ADAM29: variants seen among roughly 807,000 people sequenced by gnomAD.
ADAM29 encodes the protein disintegrin and metalloproteinase domain-containing protein 29.
For synonymous variants in ADAM29, 367 were observed against 342.3 expected, an observed-to-expected ratio of 1.07 and a Z score of -0.80; for missense variants, 969 against 1,001.8, an observed-to-expected ratio of 0.97 and a Z score of 0.44.
intron 4 of ADAM29, among the ~76,000 whole-genome samples, chr4:174,938,401 C>A (rs1269960199): frequency 6.6e-6 from 1 of 151,922 alleles, no homozygotes; most frequent in East Asian, 1.9e-4. Flanking sequence ...AGTAGATGAG[C>A]AATTGAGAAG....
At chr4:174,960,625 T>C (rs1745757948) in intron 4 of ADAM29, among the ~76,000 whole-genome samples, 1 of 152,176 alleles carries the variant, frequency 6.6e-6, no homozygotes, top group African/African-American at 2.4e-5. Flanking sequence ...ATCAAATGCT[T>C]TGTGAGACAT....
intron 4 of ADAM29, among the ~76,000 whole-genome samples, chr4:174,937,648 C>T (rs1392138146): frequency 1.3e-5 from 2 of 151,992 alleles, no homozygotes; most frequent in African/African-American, 4.8e-5. Flanking sequence ...GCTGCTACCT[C>T]ATTTCTTTAC....
At chr4:174,968,025 A>G (rs1746250170) in intron 4 of ADAM29, among the ~76,000 whole-genome samples, 1 of 151,998 alleles carries the variant, frequency 6.6e-6, no homozygotes, top group African/African-American at 2.4e-5. Flanking sequence ...TACTCGCTTT[A>G]TTATTTATTT....
intron 1 of ADAM29, 111 bp downstream of exon 1, chr4:174,918,582 G>C (rs1742995395): frequency 6.6e-6 from 1 of 151,936 alleles, no homozygotes; most frequent in Non-Finnish European, 1.5e-5. Context: ...TACTGTTTAG[G>C]CTGAACCTAT....
intron 4 of ADAM29, among the ~76,000 whole-genome samples, chr4:174,942,113 G>A (rs1044163616): frequency 1.3e-5 from 2 of 152,204 alleles, no homozygotes; most frequent in Non-Finnish European, 2.9e-5. Flanking sequence ...CCATGGCCTT[G>A]GGAAGCTCCA....
intron 4 of ADAM29, among the ~76,000 whole-genome samples, chr4:174,940,493 T>C (rs964905097): frequency 7.9e-5 from 12 of 152,234 alleles, no homozygotes; most frequent in African/African-American, 2.4e-4. Flanking sequence ...ACAGCCTTTA[T>C]CTGCTTTTTT....
chr4:174,957,426 G>T (rs967618967), intron 4 of ADAM29, among the ~76,000 whole-genome samples: 1 of 151,664 alleles, frequency 6.6e-6, no homozygotes, highest in Non-Finnish European at 1.5e-5. Flanking sequence ...AATTTTAATG[G>T]CCAAATTGAT....
At chr4:174,930,712 T>C (rs1743812115) in intron 2 of ADAM29, among the ~76,000 whole-genome samples, 1 of 152,206 alleles carries the variant, frequency 6.6e-6, no homozygotes, top group Non-Finnish European at 1.5e-5. Flanking sequence ...AATTGTACTT[T>C]GAAAATATAC....
At chr4:174,960,695 G>A (rs547160915) in intron 4 of ADAM29, among the ~76,000 whole-genome samples, 7 of 152,096 alleles carry the variant, frequency 4.6e-5, no homozygotes, top group African/African-American at 7.2e-5. Flanking sequence ...TATCTTTCTC[G>A]TGCATTTTGA....
chr4:174,977,507 G>T lies in ADAM29; in HGVS notation c.1982G>T (p.Ser661Ile). 2 of 1,614,226 alleles carry T rather than the reference G, an allele frequency of 1.2e-6. No homozygotes were observed. Among genetic ancestry groups the T allele is most frequent in the Non-Finnish European group, 1.7e-6 (2 of 1,180,050 alleles). ...TGCCTGATAAAAGGCTATGGAGGTA[G>T]TGTTGACAGTGGCCCACCCCCTAAG... ...PNCLIKGYGG[S>I]VDSGPPPKRK... Residue 661 changes from serine to isoleucine, a missense_variant, in exon 5 of 5, where the codon AGT becomes ATT. Coordinates refer to ENST00000359240, the MANE Select transcript of ADAM29 (RefSeq NM_014269.4).
At chr4:174,951,702 G>A in intron 4 of ADAM29, among the ~76,000 whole-genome samples, 1 of 152,124 alleles carries the variant, frequency 6.6e-6, no homozygotes, top group South Asian at 2.1e-4. Context: ...TTAGCTGAGG[G>A]GTTCTGAAAC....
At chr4:174,960,789 T>C (rs10004652) in intron 4 of ADAM29, among the ~76,000 whole-genome samples, 2,948 of 152,284 alleles carry the variant, frequency 0.019, 99 homozygotes, top group African/African-American at 0.067. Flanking sequence ...GAACTAGGTC[T>C]CATCAAACCA....
rs145590816 is a variant in ADAM29 at position 174,955,205 on chromosome 4, A to G, written c.-181+18192A>G. On this transcript the variant is annotated intron_variant, in intron 4 of 4. Transcript: ENST00000359240. The stretch of plus-strand genomic sequence containing the variant: ...AGAACAAGGTATGAAATCGTATGAC[A>G]TATTTTTGAGCTGAATGTATCAAAT... Among the ~76,000 whole-genome samples the G allele has an allele frequency of 2.3e-3, 347 of 152,200 alleles. 3 individuals carry two copies. Among genetic ancestry groups the G allele is most frequent in the Middle Eastern group, 0.014 (4 of 294 alleles).
At chr4:174,966,781 A>G (rs748289955) in intron 4 of ADAM29, among the ~76,000 whole-genome samples, 7 of 152,178 alleles carry the variant, frequency 4.6e-5, no homozygotes, top group South Asian at 2.1e-4. Flanking sequence ...GGCATCCCCA[A>G]TGATCTCTGA....
intron 4 of ADAM29, among the ~76,000 whole-genome samples, chr4:174,961,456 C>T (rs2111060935): frequency 6.6e-6 from 1 of 151,938 alleles, no homozygotes; most frequent in South Asian, 2.1e-4. Flanking sequence ...ATTATAATGA[C>T]CCACATAGTT....
chr4:174,977,155 T>A lies in ADAM29; in HGVS notation c.1630T>A (p.Cys544Ser), dbSNP rs2111126172. The A allele has an allele frequency of 6.2e-7, 1 of 1,614,098 alleles. No homozygotes were observed. Among genetic ancestry groups the A allele is most frequent in the Non-Finnish European group, 8.5e-7 (1 of 1,180,018 alleles). ...CGIKNATYIKCNISDVQCGRI... is the reference protein window; with the variant it reads ...CGIKNATYIKSNISDVQCGRI... ...TATCAAAAATGCTACATATATAAAG[T>A]GTAATATCTCAGATGTCCAGTGTGG... The change falls in exon 5 of 5, where the codon TGT becomes AGT. Residue 544 changes from cysteine to serine, a missense_variant. Coordinates refer to ENST00000359240, the MANE Select transcript of ADAM29 (RefSeq NM_014269.4).
chr4:174,957,268 C>T (rs1012971052), intron 4 of ADAM29, among the ~76,000 whole-genome samples: 5 of 151,798 alleles, frequency 3.3e-5, no homozygotes, highest in African/African-American at 9.7e-5. Flanking sequence ...TTATTGAGTA[C>T]TCACTCTGTA....
rs56907762 is a variant in ADAM29, at chr4:174,942,480, C to T, written c.-181+5467C>T. Among the ~76,000 whole-genome samples, 989 of 152,276 alleles carry T rather than the reference C, an allele frequency of 6.5e-3. 7 individuals are homozygous for T. Among genetic ancestry groups the T allele is most frequent in the African/African-American group, 0.023 (943 of 41,538 alleles). On this transcript the variant is annotated intron_variant, in intron 4 of 4. Transcript: ENST00000359240. ...TTCTGCACACCCACAGGCCCAATAC[C>T]ATGTGGAATCTGCCAAGGCTTAGGG...
At chr4:174,938,293 G>A (rs1470519974) in intron 4 of ADAM29, among the ~76,000 whole-genome samples, 5 of 152,054 alleles carry the variant, frequency 3.3e-5, no homozygotes, top group Non-Finnish European at 5.9e-5. Flanking sequence ...CAGAATTTGG[G>A]GAAGTTAACT....
Sources: gnomAD v4.1 joint callset for allele counts (sites outside exome capture counted in the v4.1 genomes callset) on GRCh38, gnomAD v4.1.1 for gene constraint, MANE v1.5 for transcripts, NCBI Gene and HGNC (gene_info 2026-07-23, HGNC 2026-07-21) for gene names.